The following CXCL13 variants were observed in gnomAD, a reference collection of about 807,000 sequenced individuals.
The protein encoded by CXCL13 is C-X-C motif chemokine ligand 13.
In CXCL13, 7 loss-of-function variants were observed where a neutral mutation model predicts 12.2. The ratio of observed to expected loss-of-function variants is 0.57; its 90% confidence interval spans 0.33 to 1.07. The LOEUF (loss-of-function observed/expected upper bound fraction) is 1.07. CXCL13 is among the 50% of genes least tolerant of loss of function. CXCL13 has a pLI of 0.04. For synonymous variants in CXCL13, 47 were observed against 42.4 expected, an observed-to-expected ratio of 1.11 and a Z score of -0.42; for missense variants, 113 against 127.4, an observed-to-expected ratio of 0.89 and a Z score of 0.55.
At chr4:77,532,472 C>T (rs1724952018) in intron 1 of CXCL13, among the ~76,000 whole-genome samples, 2 of 152,232 alleles carry the variant, frequency 1.3e-5, no homozygotes, top group South Asian at 2.1e-4. Context: ...TCTGGCTGCC[C>T]TTAACATTTT....
At position 77,582,361 on chromosome 4, in the gene CXCL13, A is replaced by T. The variant is rs118038520; in HGVS notation, c.-42-23463A>T. Among the ~76,000 whole-genome samples, 178 of 152,314 alleles carry T rather than the reference A, an allele frequency of 1.2e-3. 4 individuals are homozygous for T. The East Asian group carries it at 0.027, about 23-fold the overall frequency. The stretch of plus-strand genomic sequence containing the variant: ...AGAGAGACAGTATGATTCTTAAGAG[A>T]CCATGCAATAACAAAGGAAGGTGAC... On this transcript the variant is annotated intron_variant, in intron 1 of 4. Transcript: ENST00000286758.
intron 1 of CXCL13, among the ~76,000 whole-genome samples, chr4:77,553,826 T>C (rs985636615): frequency 6.6e-6 from 1 of 152,178 alleles, no homozygotes; most frequent in Non-Finnish European, 1.5e-5. Context: ...TAAATTTTTT[T>C]TTAAAAAGCA....
At position 77,541,705 on chromosome 4, in the gene CXCL13, T is replaced by C. The variant is rs1463600733; in HGVS notation, c.-43+29917T>C. On this transcript the variant is annotated intron_variant, in intron 1 of 4. Coordinates refer to the CXCL13 transcript ENST00000286758. Reference sequence around the variant, plus strand: ...GCTTTGGCAATTCAGGCTTTTGTTATTGTTGTTCCAAATGAAGTTTAGAGT... The same window carrying C: ...GCTTTGGCAATTCAGGCTTTTGTTACTGTTGTTCCAAATGAAGTTTAGAGT... Among the ~76,000 whole-genome samples, 3 of 152,226 alleles carry C rather than the reference T, an allele frequency of 2.0e-5. No individual in the cohort carries two copies. In the South Asian group the frequency reaches 6.2e-4, roughly 32 times the overall value.
At chr4:77,515,016 T>C (rs1724379070) in intron 1 of CXCL13, among the ~76,000 whole-genome samples, 1 of 152,156 alleles carries the variant, frequency 6.6e-6, no homozygotes, top group Non-Finnish European at 1.5e-5. Flanking sequence ...GTTTCAGCTT[T>C]CTACATATGG....
chr4:77,595,608 T>C (rs1726731575), intron 1 of CXCL13, among the ~76,000 whole-genome samples: 2 of 152,222 alleles, frequency 1.3e-5, no homozygotes, highest in Admixed American at 6.5e-5. Flanking sequence ...AATGCAGTCA[T>C]GTAGGTGTTA....
intron 1 of CXCL13, among the ~76,000 whole-genome samples, chr4:77,533,305 AC>A (rs1724977475): frequency 6.6e-6 from 1 of 152,150 alleles, no homozygotes; most frequent in Non-Finnish European, 1.5e-5. Context: ...TCTACGCCAG[AC>A]CCTGTTTGCC....
At chr4:77,540,444 A>G (rs1328211287) in intron 1 of CXCL13, among the ~76,000 whole-genome samples, 1 of 151,912 alleles carries the variant, frequency 6.6e-6, no homozygotes, top group Non-Finnish European at 1.5e-5. Flanking sequence ...GTACTCCCCA[A>G]TGTCTGTTGT....
intron 1 of CXCL13, among the ~76,000 whole-genome samples, chr4:77,535,868 T>C (rs1215362339): frequency 6.6e-6 from 1 of 152,212 alleles, no homozygotes; most frequent in Non-Finnish European, 1.5e-5. Flanking sequence ...ATTCTAAACA[T>C]TGTAGAGACA....
chr4:77,578,821 C>T (rs1726251353), intron 1 of CXCL13, among the ~76,000 whole-genome samples: 1 of 152,200 alleles, frequency 6.6e-6, no homozygotes. Context: ...CTGGTCTCTG[C>T]AGCATAATCA....
intron 1 of CXCL13, among the ~76,000 whole-genome samples, chr4:77,559,367 C>A (rs1377900522): frequency 6.6e-6 from 1 of 152,078 alleles, no homozygotes; most frequent in Admixed American, 6.5e-5. Context: ...ATGGAATGAC[C>A]CTTCAGAGAT....
intron 1 of CXCL13, among the ~76,000 whole-genome samples, chr4:77,572,138 T>C (rs1267083798): frequency 6.6e-6 from 1 of 151,866 alleles, no homozygotes; most frequent in East Asian, 1.9e-4. Context: ...AACCCACCAA[T>C]TCCGGACACA....
chr4:77,597,127 G>C (rs1445097269), intron 1 of CXCL13, among the ~76,000 whole-genome samples: 1 of 152,168 alleles, frequency 6.6e-6, no homozygotes, highest in East Asian at 1.9e-4. Context: ...TATAGAAGCA[G>C]AGTAGTGGTT....
At chr4:77,521,331 G>A (rs1462479467) in intron 1 of CXCL13, among the ~76,000 whole-genome samples, 1 of 152,276 alleles carries the variant, frequency 6.6e-6, no homozygotes, top group South Asian at 2.1e-4. Flanking sequence ...ATTCAGCTGT[G>A]AATCCATCTG....
chr4:77,544,399 C>T (rs1342840743), intron 1 of CXCL13, among the ~76,000 whole-genome samples: 1 of 152,178 alleles, frequency 6.6e-6, no homozygotes, highest in Non-Finnish European at 1.5e-5. Flanking sequence ...CACATCCTCT[C>T]CAGCACCTGC....
chr4:77,548,644 A>T (rs1294571932), intron 1 of CXCL13, among the ~76,000 whole-genome samples: 1 of 152,240 alleles, frequency 6.6e-6, no homozygotes, highest in Non-Finnish European at 1.5e-5. Flanking sequence ...CTTTTCGTTA[A>T]GAATGTGGAA....
rs185440718 is a variant in CXCL13 at position 77,520,947 on chromosome 4, G to A, written c.-43+9159G>A. Among the ~76,000 whole-genome samples, 40 of 152,258 alleles carry A rather than the reference G, an allele frequency of 2.6e-4. 1 individual carries two copies. The East Asian group carries it at 6.6e-3, about 25-fold the overall frequency. ...AAAAGTGCTGTCGAATTTTCTTGAA[G>A]GCCTTTTCTGCATCCATTGAGATAA... On this transcript the variant is annotated intron_variant, in intron 1 of 4. Transcript: ENST00000286758.
Position 77,562,264 on chromosome 4 carries a change from C to T in CXCL13, c.-42-43560C>T, listed in dbSNP as rs552472979. 4.8e-3 allele frequency among the ~76,000 whole-genome samples: 730 copies of T among 150,732 alleles called. 6 individuals are homozygous for T. The highest frequency in any genetic ancestry group is 0.015 in the African/African-American group (632 of 40,938). On this transcript the variant is annotated intron_variant, in intron 1 of 4. Coordinates refer to the CXCL13 transcript ENST00000286758. ...TCCTGCGAGGCCTGAGCCTCCCTGA[C>T]GGGCAACGCCCCCTGCTCTGCTGCG... is the stretch of plus-strand genomic sequence containing the variant.
intron 1 of CXCL13, among the ~76,000 whole-genome samples, chr4:77,560,297 T>C (rs1347378830): frequency 6.6e-6 from 1 of 152,194 alleles, no homozygotes; most frequent in South Asian, 2.1e-4. Context: ...TATTGGAATC[T>C]GTGTGGAACC....
At chr4:77,584,585 T>C (rs528003908) in intron 1 of CXCL13, among the ~76,000 whole-genome samples, 5 of 152,322 alleles carry the variant, frequency 3.3e-5, no homozygotes, top group Admixed American at 2.6e-4. Flanking sequence ...TTTTAACAGT[T>C]TGGAGACACT....
Sources: gnomAD v4.1 joint callset for allele counts (sites outside exome capture counted in the v4.1 genomes callset) on GRCh38, gnomAD v4.1.1 for gene constraint, MANE v1.5 for transcripts, NCBI Gene and HGNC (gene_info 2026-07-23, HGNC 2026-07-21) for gene names.